CLEC16A: variants seen among roughly 807,000 people sequenced by gnomAD.
CLEC16A encodes C-type lectin domain containing 16A, also known as protein CLEC16A.
A neutral mutation model predicts 109.5 loss-of-function variants in CLEC16A; 51 were observed. The ratio of observed to expected loss-of-function variants is 0.47; its 90% CI spans 0.37 to 0.59. CLEC16A has a LOEUF of 0.59. Ranked by LOEUF, CLEC16A falls within the 20% of genes least tolerant of loss-of-function variation. The probability of loss-of-function intolerance (pLI) is 0.00; values close to 1 mark genes in which losing one functional copy is unlikely to be tolerated. For missense variants in CLEC16A, 1,339 were observed against 1,394.0 expected, an observed-to-expected ratio of 0.96 and a Z score of 0.63; for synonymous variants, 673 against 564.2, an observed-to-expected ratio of 1.19 and a Z score of -2.73.
At chr16:10,962,718 G>A in intron 3 of CLEC16A, 130 bp downstream of exon 3, 1 of 997,578 alleles carries the variant, frequency 1.0e-6, no homozygotes, top group Non-Finnish European at 1.5e-6. Context: ...CATAGACTGA[G>A]TGGGTTAAAC....
chr16:11,148,122 G>A (rs1191043132), intron 22 of CLEC16A, among the ~76,000 whole-genome samples: 1 of 152,214 alleles, frequency 6.6e-6, no homozygotes, highest in Non-Finnish European at 1.5e-5. Flanking sequence ...TTCTGGGAAA[G>A]AAAGAATTAG....
intron 18 of CLEC16A, among the ~76,000 whole-genome samples, chr16:11,055,535 C>T (rs890899170): frequency 4.4e-5 from 6 of 137,104 alleles, no homozygotes; most frequent in Admixed American, 1.5e-4. Context: ...CTTTGCAGGC[C>T]GTGGGGAGGC....
At chr16:11,144,881 G>A (rs1024374631) in intron 22 of CLEC16A, among the ~76,000 whole-genome samples, 2 of 152,186 alleles carry the variant, frequency 1.3e-5, no homozygotes, top group African/African-American at 4.8e-5. Context: ...GGACGGCTGT[G>A]CTAAGAACTG....
chr16:11,086,880 T>C (rs111310671), intron 19 of CLEC16A, among the ~76,000 whole-genome samples: 327 of 152,276 alleles, frequency 2.1e-3, no homozygotes, highest in African/African-American at 7.4e-3. Context: ...TCAGTTCATG[T>C]CACCTCAGCT....
chr16:11,008,041 G>A (rs929349572), intron 11 of CLEC16A, among the ~76,000 whole-genome samples: 1 of 152,012 alleles, frequency 6.6e-6, no homozygotes. Flanking sequence ...ACAAAGGAAG[G>A]GCTGCCCCCA....
chr16:11,012,274 A>T (rs570046401), intron 11 of CLEC16A, among the ~76,000 whole-genome samples: 120 of 152,338 alleles, frequency 7.9e-4, no homozygotes, highest in African/African-American at 2.8e-3. Context: ...TAAACATTGA[A>T]ATAAATGTGA....
At chr16:10,985,506 A>C (rs1184883421) in intron 10 of CLEC16A, among the ~76,000 whole-genome samples, 1 of 151,030 alleles carries the variant, frequency 6.6e-6, no homozygotes. Flanking sequence ...ATTGATGTTA[A>C]TATGTTAATA....
At chr16:11,114,365 G>A (rs369027671) in intron 19 of CLEC16A, among the ~76,000 whole-genome samples, 5 of 152,224 alleles carry the variant, frequency 3.3e-5, no homozygotes, top group African/African-American at 1.2e-4. Context: ...GAGATTCGAT[G>A]GGCAGTGAGA....
At chr16:11,176,750 G>A (rs2068764906) in intron 23 of CLEC16A, among the ~76,000 whole-genome samples, 1 of 152,012 alleles carries the variant, frequency 6.6e-6, no homozygotes, top group African/African-American at 2.4e-5. Context: ...AAAAACAAAA[G>A]AAATGAAATG....
chr16:11,126,925 T>C (rs888130234), intron 22 of CLEC16A: 8 of 152,258 alleles, frequency 5.3e-5, no homozygotes, highest in Admixed American at 2.0e-4. Context: ...AAAGCAGTTA[T>C]TGATTTAAGA....
intron 12 of CLEC16A, 186 bp from the exon 13 acceptor site, chr16:11,024,635 C>T (rs988249599): frequency 3.5e-5 from 19 of 536,260 alleles, no homozygotes; most frequent in African/African-American, 1.9e-4. Context: ...CTCTGGATAG[C>T]GGCTTCCGCA....
Position 11,178,710 on chromosome 16 carries a change from T to G in CLEC16A, c.*20T>G, listed in dbSNP as rs1442447769. On this transcript the variant is annotated 3_prime_UTR_variant, in exon 24 of 24. Coordinates refer to ENST00000409790, the MANE Select transcript of CLEC16A (RefSeq NM_015226.3). This position sits in a 1 kb window ranked among gnomAD's most constrained non-coding sequence, Gnocchi z 6.5. ...GACTGAGTCAGTGCCGGGGCCTCCC[T>G]TTGTGTGTGTGGCCCCGCTGGTAGG... The G allele has an allele frequency of 1.5e-5, 21 of 1,442,348 alleles. No individual in the cohort carries two copies. The highest frequency in any genetic ancestry group is 1.7e-5 in the Non-Finnish European group (19 of 1,095,372). 89.3% of individuals were successfully genotyped at this position (1,442,348 alleles called of 1,614,324 possible).
Position 11,003,100 on chromosome 16 carries a change from T to A in CLEC16A, c.1098T>A (p.Ile366=). ...SSAKPSIRCF[I]KPTETLERSL... ...CCAAGCCCAGCATTCGGTGCTTCAT[T>A]AAACCCACCGAGACACTCGAGCGGT... is the stretch of plus-strand genomic sequence containing the variant. Residue 366 remains isoleucine (I), a synonymous_variant, in exon 11 of 24, where the codon ATT becomes ATA. Transcript: ENST00000409790. 1 of 1,608,630 alleles carries A rather than the reference T, an allele frequency of 6.2e-7. No homozygotes were observed. The highest frequency in any genetic ancestry group is 8.5e-7 in the Non-Finnish European group (1 of 1,178,176).
chr16:10,984,802 G>A (rs1173002862), intron 10 of CLEC16A, among the ~76,000 whole-genome samples: 2 of 152,226 alleles, frequency 1.3e-5, no homozygotes, highest in Non-Finnish European at 2.9e-5. Context: ...AGTTAGAGGT[G>A]CAGAGTGCCC....
intron 22 of CLEC16A, among the ~76,000 whole-genome samples, chr16:11,157,612 A>C (rs765988195): frequency 1.3e-5 from 2 of 152,188 alleles, no homozygotes; most frequent in African/African-American, 2.4e-5. Flanking sequence ...AGTCACTGCT[A>C]TCTGAACCCT....
intron 19 of CLEC16A, among the ~76,000 whole-genome samples, chr16:11,068,403 C>CAGTG (rs148736310): frequency 0.029 from 4,398 of 152,310 alleles, 94 homozygotes; most frequent in Middle Eastern, 0.068. Context: ...GAATATGAGA[C>CAGTG]AGTGACAGTC....
chr16:10,965,215 C>G (rs1446668318), intron 3 of CLEC16A, among the ~76,000 whole-genome samples: 1 of 152,178 alleles, frequency 6.6e-6, no homozygotes, highest in African/African-American at 2.4e-5. Flanking sequence ...GCTTTATAGC[C>G]CCTTCACCAC....
chr16:11,022,767 C>T (rs1019855856), intron 12 of CLEC16A, among the ~76,000 whole-genome samples: 30 of 151,736 alleles, frequency 2.0e-4, no homozygotes, highest in Non-Finnish European at 4.1e-4. Flanking sequence ...GGCGTGGTGG[C>T]GAGCGCTTGT....
intron 19 of CLEC16A, among the ~76,000 whole-genome samples, chr16:11,116,522 G>A (rs1434854516): frequency 6.6e-6 from 1 of 152,194 alleles, no homozygotes; most frequent in Non-Finnish European, 1.5e-5. Context: ...CACGAGGCCT[G>A]TAAAGACCGA....
Sources: allele counts gnomAD v4.1 joint callset (sites outside exome capture counted in the v4.1 genomes callset), GRCh38; gene constraint gnomAD v4.1.1; non-coding constraint Gnocchi (gnomAD v3.1); transcripts MANE v1.5; gene names NCBI Gene and HGNC (gene_info 2026-07-23, HGNC 2026-07-21).